The following SLC39A14 variants were observed in gnomAD, a reference collection of about 807,000 sequenced individuals.
SLC39A14 encodes the protein metal cation symporter ZIP14.
SLC39A14 carries 19 observed loss-of-function variants against 45.5 expected under a neutral mutation model. The observed-to-expected ratio is 0.42, with a 90% CI of 0.29 to 0.61. SLC39A14 has a LOEUF of 0.61. SLC39A14 is among the 20% of genes least tolerant of loss of function. SLC39A14 has a pLI of 0.22. For missense variants in SLC39A14, 447 were observed against 616.5 expected, an observed-to-expected ratio of 0.73 and a Z score of 2.91; for synonymous variants, 264 against 251.3, an observed-to-expected ratio of 1.05 and a Z score of -0.48.
chr8:22,399,782 T>C lies in SLC39A14; in HGVS notation c.-15-4914T>C, dbSNP rs565045401. Among the ~76,000 whole-genome samples, 4 of 152,370 alleles carry C rather than the reference T, an allele frequency of 2.6e-5. 1 individual carries two copies. The South Asian group carries it at 8.3e-4, about 32-fold the overall frequency. On this transcript the variant is annotated intron_variant, in intron 1 of 8. Coordinates refer to ENST00000381237, the MANE Select transcript of SLC39A14 (RefSeq NM_001128431.4). The stretch of plus-strand genomic sequence containing the variant: ...GGGTCTGGGAAAAGTAAATGCTTCG[T>C]AGATGCTCACCTCTAGGTGAGTGCC...
At position 22,419,341 on chromosome 8, in the gene SLC39A14, G is replaced by A. The variant is rs28479396; in HGVS notation, c.1333-211G>A. On this transcript the variant is annotated intron_variant, in intron 8 of 8. Transcript: ENST00000381237. ...TGGGACTACAGGCCTGCGCCACCAC[G>A]CCCAGCTAATTTTTATGTTTTTAGT... is the stretch of plus-strand genomic sequence containing the variant. 0.28 allele frequency among the ~76,000 whole-genome samples: 42,346 copies of A among 151,890 alleles called. 6,433 individuals are homozygous for A. Among genetic ancestry groups the A allele is most frequent in the East Asian group, 0.59 (3,049 of 5,132 alleles).
downstream of SLC39A14, among the ~76,000 whole-genome samples, chr8:22,424,750 GGTGCAATGGCTCACGCC>G (rs145959868): frequency 3.7e-3 from 556 of 152,216 alleles, 1 homozygote; most frequent in African/African-American, 0.013. Flanking sequence ...AAATGAGCCA[GGTGCAATGGCTCACGCC>G]TGTAATCCCA....
rs1408802586 is a variant in SLC39A14, at chr8:22,429,442, G to A, written c.1333-4449G>A. On this transcript the variant is annotated intron_variant, in intron 8 of 8. Coordinates refer to the SLC39A14 transcript ENST00000240095. ...TTATACTGCCTACCTTATAAGGTAG[G>A]TATAAGTATAATGAGAAGTAAATAT... Among the ~76,000 whole-genome samples the A allele has an allele frequency of 2.6e-5, 4 of 152,072 alleles. No homozygotes were observed. In the South Asian group the frequency reaches 8.3e-4, roughly 32 times the overall value.
rs1265765052 is a variant in SLC39A14 at position 22,367,661 on chromosome 8, A to T, written c.-16+253A>T. Reference sequence around the variant, plus strand: ...ATGCTAGAGCCGCAGAAGGGTGCCCAGAGCGTGGGTCGCCGCGCCGAAGGC... The same window carrying T: ...ATGCTAGAGCCGCAGAAGGGTGCCCTGAGCGTGGGTCGCCGCGCCGAAGGC... On this transcript the variant is annotated intron_variant, in intron 1 of 8. Coordinates refer to ENST00000381237, the MANE Select transcript of SLC39A14 (RefSeq NM_001128431.4). The surrounding 1 kb of genome is among the most constrained non-coding windows in gnomAD (Gnocchi z 4.2). 1 of 152,286 alleles carries T rather than the reference A, an allele frequency of 6.6e-6. No individual in the cohort carries two copies. Among genetic ancestry groups the T allele is most frequent in the African/African-American group, 2.4e-5 (1 of 41,474 alleles). 9.4% of individuals were successfully genotyped at this position (152,286 alleles called of 1,614,324 possible).
chr8:22,398,538 G>T (rs1834648934), intron 1 of SLC39A14: 1 of 156,514 alleles, frequency 6.4e-6, no homozygotes, highest in East Asian at 1.9e-4. Flanking sequence ...CAGAGTCGGG[G>T]TGCGGTGGGG....
chr8:22,401,539 CTTTCTTTTTT>C (rs1834857107), intron 1 of SLC39A14, among the ~76,000 whole-genome samples: 1 of 115,716 alleles, frequency 8.6e-6, no homozygotes, highest in African/African-American at 3.4e-5. Flanking sequence ...TTTCTCTTCT[CTTTCTTTTTT>C]TTTTTTTTTT....
At chr8:22,407,157 G>T (rs1437660989) in intron 2 of SLC39A14, among the ~76,000 whole-genome samples, 1 of 152,218 alleles carries the variant, frequency 6.6e-6, no homozygotes, top group Non-Finnish European at 1.5e-5. Flanking sequence ...CTTTCAGGCT[G>T]AGGGCAGTCC....
downstream of SLC39A14, among the ~76,000 whole-genome samples, chr8:22,423,845 T>C (rs1586760571): frequency 7.1e-6 from 1 of 141,642 alleles, no homozygotes. Flanking sequence ...ATAACTGTTA[T>C]CTACAGATAA....
Position 22,421,551 on chromosome 8 carries a change from C to CTT in SLC39A14, c.*1857_*1858dup. The CTT allele has an allele frequency of 2.0e-6, 2 of 985,264 alleles. No individual in the cohort carries two copies. Among genetic ancestry groups the CTT allele is most frequent in the African/African-American group, 3.5e-5 (2 of 57,328 alleles). 61.0% of individuals were successfully genotyped at this position (985,264 alleles called of 1,614,324 possible). A position where few individuals can be genotyped will look rare whatever the true frequency, so the allele number is the denominator to read the frequency against. On this transcript the variant is annotated 3_prime_UTR_variant, in exon 9 of 9. Coordinates refer to ENST00000381237, the MANE Select transcript of SLC39A14 (RefSeq NM_001128431.4). ...CAATTCCTTGAATGTTGGAATCTAACTTTTTATATTGTCATTATTATTGTT... is the reference window on the plus strand; with the variant it reads ...CAATTCCTTGAATGTTGGAATCTAACTTTTTTTATATTGTCATTATTATTGTT...
At chr8:22,394,610 T>A (rs7829600) in intron 1 of SLC39A14, among the ~76,000 whole-genome samples, 1 of 152,054 alleles carries the variant, frequency 6.6e-6, no homozygotes, top group Admixed American at 6.5e-5. Context: ...TGAGCCACTG[T>A]GCCCGGCCGA....
intron 8 of SLC39A14, among the ~76,000 whole-genome samples, chr8:22,418,057 C>T (rs1235128228): frequency 1.3e-5 from 2 of 152,124 alleles, no homozygotes; most frequent in Admixed American, 1.3e-4. Flanking sequence ...CGTGTGCCAC[C>T]ACGCCTGGCT....
chr8:22,417,930 T>A, intron 8 of SLC39A14, 95 bp downstream of exon 8: 7 of 955,696 alleles, frequency 7.3e-6, no homozygotes, highest in Non-Finnish European at 1.1e-5. Context: ...TGAGATGGAG[T>A]CTCACTCTGT....
Position 22,416,209 on chromosome 8 carries a change from T to C in SLC39A14, c.1076T>C (p.Phe359Ser). Residue 359 changes from phenylalanine to serine, a missense_variant, in exon 7 of 9, where the codon TTC (phenylalanine) becomes TCC (serine). Phe to Ser is a radical substitution (Grantham distance 155). Around this residue, in one of 2 missense-constraint regions of SLC39A14, gnomAD observed 105 missense variants for 188.4 expected, o/e 0.56. Transcript: ENST00000381237. The stretch of plus-strand genomic sequence containing the variant: ...GATGGCCTGGCCATCGGTGCTTCCT[T>C]CACTGTGTCAGTTTTCCAAGGCATC... ...FIDGLAIGASFTVSVFQGIST... is the reference protein window; with the variant it reads ...FIDGLAIGASSTVSVFQGIST... 6.2e-7 allele frequency: 1 copy of C among 1,613,870 alleles called. No individual in the cohort carries two copies. Among genetic ancestry groups the C allele is most frequent in the Non-Finnish European group, 8.5e-7 (1 of 1,179,990 alleles).
In SLC39A14 at chr8:22,383,798, A is replaced by G. The variant is rs138650835; in HGVS notation, c.-16+16390A>G. ...ATGTGACTCCAATTGGCGTATCTGT[A>G]TTCCAATTCCAATGCTGACCGTTTC... On this transcript the variant is annotated intron_variant, in intron 1 of 8. Coordinates refer to ENST00000381237, the MANE Select transcript of SLC39A14 (RefSeq NM_001128431.4). Among the ~76,000 whole-genome samples the G allele has an allele frequency of 7.6e-4, 116 of 152,214 alleles. 1 individual carries two copies. Among genetic ancestry groups the G allele is most frequent in the African/African-American group, 2.5e-3 (105 of 41,534 alleles).
intron 1 of SLC39A14, among the ~76,000 whole-genome samples, chr8:22,370,065 C>T (rs1184689914): frequency 1.3e-5 from 2 of 152,120 alleles, no homozygotes; most frequent in African/African-American, 2.4e-5. Context: ...CTGATTTCTT[C>T]AGAGAAGAAA....
At chr8:22,378,815 AG>A (rs1394617129) in intron 1 of SLC39A14, among the ~76,000 whole-genome samples, 6 of 152,182 alleles carry the variant, frequency 3.9e-5, no homozygotes, top group Non-Finnish European at 7.3e-5. Flanking sequence ...GGGTCACTGG[AG>A]TCACTCTTAG....
At position 22,433,688 on chromosome 8, in the gene SLC39A14, T is replaced by C. The variant is rs529303493; in HGVS notation, c.1333-203T>C. Among the ~76,000 whole-genome samples, 228 of 151,888 alleles carry C rather than the reference T, an allele frequency of 1.5e-3. 2 individuals carry two copies. The highest frequency in any genetic ancestry group is 2.9e-3 in the Non-Finnish European group (194 of 67,974). ...AATCCTCCCATCTCAGCCTCCCAAG[T>C]AGCTGGGACCACAGGCGCATGCCAC... On this transcript the variant is annotated intron_variant, in intron 8 of 8. Coordinates refer to the SLC39A14 transcript ENST00000240095.
rs1021061561 is a variant in SLC39A14, at chr8:22,420,539, A to T, written c.*841A>T. ...TCCTCTTCCCCACTGCCATCTTCTA[A>T]GAGACTTTGTAGCTGCCTCCTAGAA... is the stretch of plus-strand genomic sequence containing the variant. On this transcript the variant is annotated 3_prime_UTR_variant, in exon 9 of 9. Coordinates refer to ENST00000381237, the MANE Select transcript of SLC39A14 (RefSeq NM_001128431.4). 2 of 985,318 alleles carry T rather than the reference A, an allele frequency of 2.0e-6. No homozygotes were observed. The highest frequency in any genetic ancestry group is 2.4e-6 in the Non-Finnish European group (2 of 829,952). The allele number at this position is 985,318 out of a possible 1,614,324, so 61.0% of individuals were successfully genotyped here.
chr8:22,386,902 G>A (rs184194733), intron 1 of SLC39A14, among the ~76,000 whole-genome samples: 1 of 152,180 alleles, frequency 6.6e-6, no homozygotes, highest in Admixed American at 6.5e-5. Context: ...GCCAATCGTG[G>A]TGGCTCATTC....
Sources: gnomAD v4.1 joint callset for allele counts (sites outside exome capture counted in the v4.1 genomes callset) on GRCh38, gnomAD v4.1.1 for gene constraint, gnomAD v4.1.1 regional missense constraint, Gnocchi (gnomAD v3.1) non-coding constraint, MANE v1.5 for transcripts, NCBI Gene and HGNC (gene_info 2026-07-23, HGNC 2026-07-21) for gene names.